GRB14: variants seen among roughly 807,000 people sequenced by gnomAD.
The protein encoded by GRB14 is growth factor receptor bound protein 14.
Under a neutral mutation model 69.1 loss-of-function variants are expected in GRB14, and 38 were observed. The observed-to-expected ratio is 0.55, with a 90% CI of 0.42 to 0.72. The LOEUF (loss-of-function observed/expected upper bound fraction) is 0.72, where lower values mean the gene tolerates loss of function less well. GRB14 is among the 30% of genes least tolerant of loss of function. The probability of loss-of-function intolerance (pLI) is 0.00; values close to 1 mark genes in which losing one functional copy is unlikely to be tolerated. For synonymous variants in GRB14, 247 were observed against 241.3 expected (o/e 1.02, Z -0.22); for missense variants, 666 against 666.1 (o/e 1.00, Z 0.00).
intron 2 of GRB14, among the ~76,000 whole-genome samples, chr2:164,575,630 G>A (rs1201997285): frequency 6.6e-6 from 1 of 151,370 alleles, no homozygotes; most frequent in Non-Finnish European, 1.5e-5. Flanking sequence ...ATAAATCATA[G>A]GAGAATTCTA....
rs184225421 is a variant in GRB14 at position 164,578,025 on chromosome 2, G to C, written c.325-30209C>G. ...GGAGGCGGGCAGATCACGAGGTCAG[G>C]AGTTCAAGACTAGCCTGACCAACAT... On this transcript the variant is annotated intron_variant, in intron 2 of 13. Coordinates refer to ENST00000263915, the MANE Select transcript of GRB14 (RefSeq NM_004490.3). 1.9e-4 allele frequency among the ~76,000 whole-genome samples: 29 copies of C among 152,258 alleles called. 1 individual carries two copies. In the East Asian group the frequency reaches 5.6e-3, roughly 29 times the overall value.
intron 2 of GRB14, among the ~76,000 whole-genome samples, chr2:164,582,678 C>A (rs1013231565): frequency 6.6e-6 from 1 of 152,146 alleles, no homozygotes; most frequent in Non-Finnish European, 1.5e-5. Context: ...CTCGGCCTCC[C>A]AAAGTGCTGG....
intron 2 of GRB14, among the ~76,000 whole-genome samples, chr2:164,588,632 T>C (rs1455090061): frequency 6.6e-6 from 1 of 152,218 alleles, no homozygotes; most frequent in Non-Finnish European, 1.5e-5. Flanking sequence ...GACATATATA[T>C]GCAGCAAGTG....
chr2:164,612,717 T>C (rs1029287985), intron 2 of GRB14, among the ~76,000 whole-genome samples: 4 of 152,192 alleles, frequency 2.6e-5, no homozygotes, highest in African/African-American at 9.7e-5. Context: ...ACACTTATAT[T>C]GAACCATGAT....
chr2:164,493,300 A>T, intron 13 of GRB14, 118 bp from the exon 14 acceptor site: 1 of 850,216 alleles, frequency 1.2e-6, no homozygotes, highest in Non-Finnish European at 1.8e-6. Flanking sequence ...ACTAAAAGAC[A>T]GTGAAAAGAA....
chr2:164,577,693 AC>A (rs2105335172), intron 2 of GRB14, among the ~76,000 whole-genome samples: 1 of 152,224 alleles, frequency 6.6e-6, no homozygotes, highest in South Asian at 2.1e-4. Context: ...ATATAATAAA[AC>A]TGTAGTTAGC....
intron 9 of GRB14, 69 bp from the exon 10 acceptor site, chr2:164,497,559 T>A: frequency 9.6e-7 from 1 of 1,046,546 alleles, no homozygotes; most frequent in East Asian, 2.4e-5. Context: ...AAATTGAAAG[T>A]GTTTTTCAAT....
Position 164,621,177 on chromosome 2 carries a change from G to A in GRB14, c.133C>T (p.Leu45=). The change falls in exon 1 of 14, where the codon CTG becomes TTG. Residue 45 remains leucine, a synonymous_variant. Transcript: ENST00000263915. This position sits in a 1 kb window ranked among gnomAD's most constrained non-coding sequence, Gnocchi z 6.0. ...DAHDLAPAPW[L]HARALLPLPD... ...AGGGGCAGGAGCGCTCGCGCGTGCAGCCAGGGGGCCGGCGCCAGGTCGTGG... is the reference window on the plus strand; with the variant it reads ...AGGGGCAGGAGCGCTCGCGCGTGCAACCAGGGGGCCGGCGCCAGGTCGTGG... The A allele has an allele frequency of 2.4e-6, 3 of 1,243,836 alleles. No individual in the cohort carries two copies. The highest frequency in any genetic ancestry group is 3.0e-6 in the Non-Finnish European group (3 of 988,180). The allele number at this position is 1,243,836 out of a possible 1,614,324, so 77.0% of individuals were successfully genotyped here.
At chr2:164,502,749 T>A (rs1687090964) in intron 8 of GRB14, among the ~76,000 whole-genome samples, 1 of 152,230 alleles carries the variant, frequency 6.6e-6, no homozygotes, top group East Asian at 1.9e-4. Flanking sequence ...GCAAAATTTA[T>A]TGTACCTCTC....
intron 2 of GRB14, among the ~76,000 whole-genome samples, chr2:164,568,672 G>A (rs1008629741): frequency 1.3e-5 from 2 of 152,074 alleles, no homozygotes; most frequent in Non-Finnish European, 2.9e-5. Context: ...CATCTAGTTC[G>A]CTCAACTTTT....
At chr2:164,553,003 T>TG (rs1329854086) in intron 2 of GRB14, among the ~76,000 whole-genome samples, 1 of 152,098 alleles carries the variant, frequency 6.6e-6, no homozygotes, top group Admixed American at 6.6e-5. Flanking sequence ...TGCCAAGAAA[T>TG]GGGGGGCCTG....
intron 9 of GRB14, among the ~76,000 whole-genome samples, chr2:164,501,880 C>T (rs1369385635): frequency 1.3e-5 from 2 of 151,826 alleles, no homozygotes; most frequent in East Asian, 3.9e-4. Flanking sequence ...CAATCAAAAC[C>T]AATAATTAAC....
chr2:164,603,759 T>C (rs1259285848), intron 2 of GRB14, among the ~76,000 whole-genome samples: 4 of 151,898 alleles, frequency 2.6e-5, no homozygotes, highest in Non-Finnish European at 5.9e-5. Flanking sequence ...AAAACTAGAT[T>C]TAACTAAATT....
At chr2:164,568,924 T>C (rs1689055913) in intron 2 of GRB14, among the ~76,000 whole-genome samples, 2 of 152,170 alleles carry the variant, frequency 1.3e-5, no homozygotes, top group African/African-American at 4.8e-5. Context: ...TTAATTTCTA[T>C]GGTATAATAA....
intron 2 of GRB14, among the ~76,000 whole-genome samples, chr2:164,582,818 G>A (rs1317806507): frequency 6.6e-6 from 1 of 152,192 alleles, no homozygotes; most frequent in Admixed American, 6.5e-5. Flanking sequence ...CATGGAAATA[G>A]CTAAGAGGAG....
intron 3 of GRB14, among the ~76,000 whole-genome samples, chr2:164,531,671 T>C (rs918082320): frequency 6.6e-6 from 1 of 152,172 alleles, no homozygotes; most frequent in Non-Finnish European, 1.5e-5. Flanking sequence ...TAAAGGGTTA[T>C]TGAAGGAAAC....
At chr2:164,531,555 A>G (rs1281720321) in intron 3 of GRB14, among the ~76,000 whole-genome samples, 2 of 152,188 alleles carry the variant, frequency 1.3e-5, no homozygotes, top group Non-Finnish European at 2.9e-5. Flanking sequence ...AGTAGACTTT[A>G]TCAATTTTTG....
At chr2:164,613,135 C>T (rs1160209110) in intron 2 of GRB14, among the ~76,000 whole-genome samples, 1 of 152,146 alleles carries the variant, frequency 6.6e-6, no homozygotes, top group Non-Finnish European at 1.5e-5. Flanking sequence ...AATAAGTATG[C>T]TTCACGTACA....
intron 6 of GRB14, among the ~76,000 whole-genome samples, chr2:164,520,003 G>A (rs1324085970): frequency 6.6e-6 from 1 of 150,540 alleles, no homozygotes; most frequent in Admixed American, 6.6e-5. Context: ...CACAGAACTA[G>A]AAAAAAAAAT....
Sources: allele counts gnomAD v4.1 joint callset (sites outside exome capture counted in the v4.1 genomes callset), GRCh38; gene constraint gnomAD v4.1.1; non-coding constraint Gnocchi (gnomAD v3.1); transcripts MANE v1.5; gene names NCBI Gene and HGNC (gene_info 2026-07-23, HGNC 2026-07-21).